HECW1: variants seen among roughly 807,000 people sequenced by gnomAD.
HECW1 encodes E3 ubiquitin-protein ligase HECW1.
In HECW1, 61 loss-of-function variants were observed where a neutral mutation model predicts 182.3. That is an observed-to-expected ratio of 0.33 (90% CI 0.27 to 0.41). The LOEUF is 0.41. HECW1 is among the 10% of genes least tolerant of loss of function. HECW1 has a pLI of 1.00. For synonymous variants in HECW1, 859 were observed against 832.6 expected, an observed-to-expected ratio of 1.03 and a Z score of -0.55; for missense variants, 1,739 against 2,108.9, an observed-to-expected ratio of 0.82 and a Z score of 3.44.
intron 29 of HECW1, among the ~76,000 whole-genome samples, chr7:43,555,385 A>G (rs1007443408): frequency 5.9e-5 from 9 of 152,186 alleles, no homozygotes; most frequent in Non-Finnish European, 1.2e-4. Context: ...TGTGAGTTTT[A>G]ATCCCAGCAC....
chr7:43,264,842 TAAAAAA>T (rs36094358), intron 3 of HECW1, among the ~76,000 whole-genome samples: 3 of 129,158 alleles, frequency 2.3e-5, no homozygotes, highest in East Asian at 4.4e-4. Context: ...AGACTCGGTT[TAAAAAA>T]AAAAAAAAAA....
chr7:43,491,955 T>G (rs2078947676), intron 17 of HECW1, 120 bp from the exon 18 acceptor site: 3 of 677,518 alleles, frequency 4.4e-6, no homozygotes, highest in Non-Finnish European at 7.7e-6. Context: ...CCATCACTTT[T>G]TTACTTTTTC....
chr7:43,528,697 C>T (rs1467130185), intron 24 of HECW1, among the ~76,000 whole-genome samples: 4 of 152,228 alleles, frequency 2.6e-5, no homozygotes, highest in African/African-American at 9.6e-5. Context: ...TCTGGTCTCA[C>T]TCCTCTGCCC....
chr7:43,352,314 G>A (rs1194860262), intron 5 of HECW1, among the ~76,000 whole-genome samples: 2 of 152,006 alleles, frequency 1.3e-5, no homozygotes, highest in Non-Finnish European at 2.9e-5. Context: ...TGCAATAATC[G>A]AAACTTGCTT....
chr7:43,508,909 A>C, intron 23 of HECW1, 60 bp from the exon 24 acceptor site: 1 of 1,581,906 alleles, frequency 6.3e-7, no homozygotes, highest in South Asian at 1.2e-5. Context: ...TCTGGGTGCA[A>C]ACAGGTCCCC....
chr7:43,342,398 G>T lies in HECW1; in HGVS notation c.461-18488G>T, dbSNP rs1025902237. ...AAAAAGAAATACAAATGGATATACT[G>T]CCATATAGGATAGACTGGCAGGACT... On this transcript the variant is annotated intron_variant, in intron 5 of 29. Transcript: ENST00000395891. Among the ~76,000 whole-genome samples, 9 of 151,714 alleles carry T rather than the reference G, an allele frequency of 5.9e-5. 1 individual carries two copies. The highest frequency in any genetic ancestry group is 8.8e-5 in the Non-Finnish European group (6 of 68,028).
At chr7:43,232,649 G>A (rs1198136297) in intron 2 of HECW1, among the ~76,000 whole-genome samples, 3 of 152,120 alleles carry the variant, frequency 2.0e-5, no homozygotes, top group Non-Finnish European at 2.9e-5. Context: ...AGTAGCAAGA[G>A]GGATGGTGAA....
chr7:43,546,475 T>G (rs963346870), intron 26 of HECW1, among the ~76,000 whole-genome samples: 1 of 152,020 alleles, frequency 6.6e-6, no homozygotes, highest in African/African-American at 2.4e-5. Flanking sequence ...TAGAGTGTCA[T>G]GTGTAATGAG....
At chr7:43,538,901 A>G (rs1047665187) in intron 24 of HECW1, among the ~76,000 whole-genome samples, 3 of 152,184 alleles carry the variant, frequency 2.0e-5, no homozygotes, top group African/African-American at 7.2e-5. Context: ...TTACTGTTAA[A>G]TATATTGCTG....
At chr7:43,116,484 ACT>A (rs573960846) in intron 2 of HECW1, among the ~76,000 whole-genome samples, 90 of 152,314 alleles carry the variant, frequency 5.9e-4, no homozygotes, top group African/African-American at 2.0e-3. Context: ...ACATTGAACC[ACT>A]GTAAGTGCTT....
chr7:43,361,856 A>AG (rs1815968715), intron 6 of HECW1, among the ~76,000 whole-genome samples: 1 of 145,616 alleles, frequency 6.9e-6, no homozygotes, highest in Non-Finnish European at 1.5e-5. Context: ...TAAAAAAAAA[A>AG]CAGGCCAGGC....
chr7:43,250,264 C>G (rs918762247), intron 3 of HECW1, among the ~76,000 whole-genome samples: 2 of 152,160 alleles, frequency 1.3e-5, no homozygotes, highest in African/African-American at 2.4e-5. Flanking sequence ...TCATGAACTA[C>G]TCTGAATTCG....
intron 2 of HECW1, among the ~76,000 whole-genome samples, chr7:43,115,299 C>CTTTTTTTTTTTT (rs34686016): frequency 7.2e-6 from 1 of 138,192 alleles, no homozygotes; most frequent in Admixed American, 7.3e-5. Flanking sequence ...TCAAACAGGT[C>CTTTTTTTTTTTT]TTTTTTTTTT....
intron 3 of HECW1, among the ~76,000 whole-genome samples, chr7:43,296,365 C>G (rs1806051503): frequency 6.6e-6 from 1 of 152,176 alleles, no homozygotes; most frequent in East Asian, 1.9e-4. Flanking sequence ...CTGGACTTCT[C>G]TCAGGCCTTT....
At chr7:43,169,478 C>T (rs951139116) in intron 2 of HECW1, among the ~76,000 whole-genome samples, 3 of 152,100 alleles carry the variant, frequency 2.0e-5, no homozygotes, top group Non-Finnish European at 4.4e-5. Context: ...ACACCCTTTT[C>T]CCCATTGAGA....
intron 2 of HECW1, chr7:43,194,516 C>T (rs1027711058): frequency 1.3e-5 from 2 of 152,098 alleles, no homozygotes; most frequent in African/African-American, 4.8e-5. Flanking sequence ...AACCATAAGC[C>T]TGTGTGTGTG....
At chr7:43,176,705 T>C (rs1792286712) in intron 2 of HECW1, among the ~76,000 whole-genome samples, 1 of 152,262 alleles carries the variant, frequency 6.6e-6, no homozygotes, top group Non-Finnish European at 1.5e-5. Context: ...AGAGTCCTCT[T>C]GACCCAATCA....
At chr7:43,456,221 T>C (rs1037309040) in intron 12 of HECW1, 76 bp from the exon 13 acceptor site, 14 of 1,461,416 alleles carry the variant, frequency 9.6e-6, no homozygotes, top group Non-Finnish European at 1.3e-5. Flanking sequence ...TGCAGAAGAC[T>C]TGGAAGTTGT....
intron 21 of HECW1, among the ~76,000 whole-genome samples, chr7:43,501,639 G>A (rs558476807): frequency 1.4e-4 from 21 of 151,958 alleles, no homozygotes; most frequent in African/African-American, 4.6e-4. Context: ...AGACCAGCCT[G>A]GGCAACATAG....
Sources: allele counts gnomAD v4.1 joint callset (sites outside exome capture counted in the v4.1 genomes callset), GRCh38; gene constraint gnomAD v4.1.1; transcripts MANE v1.5; gene names NCBI Gene and HGNC (gene_info 2026-07-23, HGNC 2026-07-21).